OPRD1: variants seen among roughly 807,000 people sequenced by gnomAD.
OPRD1 encodes the protein delta-type opioid receptor.
A neutral mutation model predicts 17.5 loss-of-function variants in OPRD1; 19 were observed. That is an observed-to-expected ratio of 1.09 (90% confidence interval 0.76 to 1.60). OPRD1 has a LOEUF of 1.60. OPRD1 is among the 40% of genes most tolerant of loss of function. OPRD1 has a pLI of 0.00. For missense variants in OPRD1, 483 were observed against 547.2 expected (o/e 0.88, Z 1.17); for synonymous variants, 256 against 240.9 (o/e 1.06, Z -0.58).
chr1:28,841,405 C>A (rs2088895263), intron 1 of OPRD1, among the ~76,000 whole-genome samples: 1 of 152,214 alleles, frequency 6.6e-6, no homozygotes, highest in Admixed American at 6.6e-5. Flanking sequence ...GGACACAGAC[C>A]CAAGTGGTTA....
intron 2 of OPRD1, among the ~76,000 whole-genome samples, chr1:28,860,571 C>T (rs1309969913): frequency 6.6e-6 from 1 of 152,146 alleles, no homozygotes; most frequent in Non-Finnish European, 1.5e-5. Flanking sequence ...AGTCCTGGCT[C>T]ATCGCCAAGG....
intron 1 of OPRD1, among the ~76,000 whole-genome samples, chr1:28,851,035 C>T (rs1012035415): frequency 1.3e-5 from 2 of 151,786 alleles, no homozygotes; most frequent in East Asian, 1.9e-4. Flanking sequence ...CACACACACA[C>T]GGAGCTGCCA....
intron 1 of OPRD1, among the ~76,000 whole-genome samples, chr1:28,856,966 G>A (rs2147749103): frequency 6.6e-6 from 1 of 152,238 alleles, no homozygotes; most frequent in South Asian, 2.1e-4. Flanking sequence ...AGGCCTGGAT[G>A]GAGCCGCAGG....
chr1:28,865,388 C>T lies in OPRD1; in HGVS notation c.*2105C>T, dbSNP rs2089167611. The T allele has an allele frequency of 6.6e-6, 1 of 152,178 alleles. No homozygotes were observed. The highest frequency in any genetic ancestry group is 2.1e-4 in the South Asian group (1 of 4,824). 9.4% of individuals were successfully genotyped at this position (152,178 alleles called of 1,614,324 possible). ...AAAAAGAAACAATATACTTCTTTTC[C>T]CTTTGACAGCCATGTCTTTGGAACA... On this transcript the variant is annotated 3_prime_UTR_variant, in exon 3 of 3. Transcript: ENST00000234961.
At position 28,867,818 on chromosome 1, in the gene OPRD1, T is replaced by C. The variant is rs890644908; in HGVS notation, c.*4535T>C. 6.6e-6 allele frequency: 1 copy of C among 152,286 alleles called. No individual in the cohort carries two copies. The highest frequency in any genetic ancestry group is 2.4e-5 in the African/African-American group (1 of 41,440). 9.4% of individuals were successfully genotyped at this position (152,286 alleles called of 1,614,324 possible). ...AGAACGTAAGTAAACTCTAAGTACATGGTAAGTGGCAGTCACTGCTTACAA... is the reference window on the plus strand; with the variant it reads ...AGAACGTAAGTAAACTCTAAGTACACGGTAAGTGGCAGTCACTGCTTACAA... On this transcript the variant is annotated 3_prime_UTR_variant, in exon 3 of 3. Coordinates refer to ENST00000234961, the MANE Select transcript of OPRD1 (RefSeq NM_000911.4).
rs955536311 is a variant in OPRD1, at chr1:28,868,157, T to G, written c.*4874T>G. ...GATGGGAGCTCTCCAATTTAGTTTT[T>G]TACATGGCCCAGGCAGCCCCCAAGC... is the stretch of plus-strand genomic sequence containing the variant. On this transcript the variant is annotated 3_prime_UTR_variant, in exon 3 of 3. Transcript: ENST00000234961. 3 of 152,240 alleles carry G rather than the reference T, an allele frequency of 2.0e-5. No homozygotes were observed. Among genetic ancestry groups the G allele is most frequent in the Non-Finnish European group, 4.4e-5 (3 of 68,086 alleles). The allele number at this position is 152,240 out of a possible 1,614,324, so 9.4% of individuals were successfully genotyped here.
chr1:28,858,598 T>G (rs1181578667), intron 1 of OPRD1, among the ~76,000 whole-genome samples: 1 of 149,036 alleles, frequency 6.7e-6, no homozygotes, highest in African/African-American at 2.5e-5. Context: ...CAGGCTGAAG[T>G]GCAATGGCGC....
intron 1 of OPRD1, among the ~76,000 whole-genome samples, chr1:28,827,797 T>C (rs1180319874): frequency 6.6e-6 from 1 of 152,132 alleles, no homozygotes; most frequent in Admixed American, 6.5e-5. Context: ...TGATCATAGC[T>C]CACTGCAGCC....
intron 1 of OPRD1, among the ~76,000 whole-genome samples, chr1:28,827,743 T>A (rs482692): frequency 6.6e-6 from 1 of 150,932 alleles, no homozygotes; most frequent in African/African-American, 2.5e-5. Flanking sequence ...CTTTTCCCCC[T>A]GCTCAGAGAC....
At chr1:28,824,179 CAAAA>C (rs759567245) in intron 1 of OPRD1, among the ~76,000 whole-genome samples, 1 of 82,324 alleles carries the variant, frequency 1.2e-5, no homozygotes, top group African/African-American at 3.7e-5. Flanking sequence ...AACCTATCTC[CAAAA>C]AAAAAAAAAA....
intron 1 of OPRD1, among the ~76,000 whole-genome samples, chr1:28,824,673 A>G (rs1373636258): frequency 6.6e-6 from 1 of 151,908 alleles, no homozygotes; most frequent in Non-Finnish European, 1.5e-5. Flanking sequence ...CTAGAGATGT[A>G]TATATATTAT....
intron 1 of OPRD1, among the ~76,000 whole-genome samples, chr1:28,856,481 G>T (rs1305134058): frequency 1.3e-5 from 2 of 152,112 alleles, no homozygotes; most frequent in Non-Finnish European, 1.5e-5. Flanking sequence ...TCCCCTCAAT[G>T]TGTCTCTCTT....
Position 28,862,844 on chromosome 1 carries a change from T to G in OPRD1, c.680T>G (p.Leu227Arg). 1.9e-6 allele frequency: 3 copies of G among 1,613,062 alleles called. No individual in the cohort carries two copies. Among genetic ancestry groups the G allele is most frequent in the Non-Finnish European group, 2.5e-6 (3 of 1,180,010 alleles). Residue 227 changes from leucine to arginine, a missense_variant, in exon 3 of 3, where the codon CTC (leucine) becomes CGC (arginine). Leu to Arg is a moderately radical substitution (Grantham distance 102). Coordinates refer to ENST00000234961, the MANE Select transcript of OPRD1 (RefSeq NM_000911.4). The part of the protein sequence containing the change: ...VFLFAFVVPI[L>R]IITVCYGLML... ...CTCTTCGCCTTCGTGGTGCCCATCC[T>G]CATCATCACCGTGTGCTATGGCCTC...
chr1:28,828,739 C>T (rs1489643061), intron 1 of OPRD1, among the ~76,000 whole-genome samples: 1 of 150,572 alleles, frequency 6.6e-6, no homozygotes, highest in Non-Finnish European at 1.5e-5. Flanking sequence ...CCTGTAATCC[C>T]AGCACTTTGG....
chr1:28,812,664 G>A lies in OPRD1; in HGVS notation c.227+54G>A, dbSNP rs1342843623. ...GGCTGGAGCCCGGGGTGAGGGTGGG[G>A]ATCACGAACTTGAGACCCCAAGCCC... On this transcript the variant is annotated intron_variant, in intron 1 of 2. Transcript: ENST00000234961. 1.0e-5 allele frequency: 14 copies of A among 1,391,596 alleles called. No individual in the cohort carries two copies. The Middle Eastern group carries it at 5.7e-4, about 57-fold the overall frequency. 86.2% of individuals were successfully genotyped at this position (1,391,596 alleles called of 1,614,324 possible).
chr1:28,839,549 G>A (rs2088879026), intron 1 of OPRD1, among the ~76,000 whole-genome samples: 1 of 152,198 alleles, frequency 6.6e-6, no homozygotes. Flanking sequence ...CTAGGCTGGA[G>A]CCGTTTGTTC....
At chr1:28,844,929 A>G (rs780900322) in intron 1 of OPRD1, among the ~76,000 whole-genome samples, 19 of 152,030 alleles carry the variant, frequency 1.2e-4, no homozygotes, top group Non-Finnish European at 1.9e-4. Context: ...ATTTTTTTGT[A>G]GAGATGGGGT....
chr1:28,842,731 C>T (rs918616614), intron 1 of OPRD1, among the ~76,000 whole-genome samples: 1 of 151,972 alleles, frequency 6.6e-6, no homozygotes, highest in East Asian at 1.9e-4. Context: ...CTTTCCAGTC[C>T]CTACCCCCTG....
intron 1 of OPRD1, among the ~76,000 whole-genome samples, chr1:28,819,253 T>A (rs1303343588): frequency 1.3e-5 from 2 of 151,370 alleles, no homozygotes; most frequent in African/African-American, 2.4e-5. Context: ...AAGATGTTGA[T>A]CAGACTGGAC....
Sources: allele counts gnomAD v4.1 joint callset (sites outside exome capture counted in the v4.1 genomes callset), GRCh38; gene constraint gnomAD v4.1.1; transcripts MANE v1.5; gene names NCBI Gene and HGNC (gene_info 2026-07-23, HGNC 2026-07-21).